The following FGF12 variants were observed in gnomAD, a reference collection of about 807,000 sequenced individuals.
The protein encoded by FGF12 is fibroblast growth factor 12B.
A neutral mutation model predicts 23.6 loss-of-function variants in FGF12; 14 were observed. That is an observed-to-expected ratio of 0.59 (90% confidence interval 0.39 to 0.93). FGF12 has a LOEUF of 0.93. FGF12 is among the 40% of genes least tolerant of loss of function. The pLI is 0.00. For synonymous variants in FGF12, 62 were observed against 77.3 expected, an observed-to-expected ratio of 0.80 and a Z score of 1.04; for missense variants, 175 against 217.8, an observed-to-expected ratio of 0.80 and a Z score of 1.24.
In FGF12 at chr3:192,709,428, G is replaced by C. The variant is rs551861789; in HGVS notation, c.13+17753C>G. Among the ~76,000 whole-genome samples, 9 of 152,238 alleles carry C rather than the reference G, an allele frequency of 5.9e-5. 1 individual carries two copies. In the South Asian group the frequency reaches 1.9e-3, roughly 32 times the overall value. ...GAGGTCTTTAAAATCAGTATGTCCA[G>C]ATCTCTGAGACTCAGAGCTACTGAT... On this transcript the variant is annotated intron_variant, in intron 2 of 5. Coordinates refer to ENST00000445105, the MANE Select transcript of FGF12 (RefSeq NM_004113.6).
intron 2 of FGF12, among the ~76,000 whole-genome samples, chr3:192,722,227 C>G (rs956625938): frequency 6.6e-6 from 1 of 152,180 alleles, no homozygotes; most frequent in Non-Finnish European, 1.5e-5. Context: ...ATTTCCTACA[C>G]TCAGTGACTA....
Position 192,408,962 on chromosome 3 carries a change from G to C in FGF12, c.14-48424C>G, listed in dbSNP as rs1721084731. On this transcript the variant is annotated intron_variant, in intron 2 of 5. Transcript: ENST00000445105. This position sits in a 1 kb window ranked among gnomAD's most constrained non-coding sequence, Gnocchi z 7.3. ...CTGGAATTCCGAGAGGCGCGAAGTG[G>C]GAGCGGTTACCCGGAGTCTGGGTAG... is the stretch of plus-strand genomic sequence containing the variant. 1.0e-6 allele frequency: 1 copy of C among 984,956 alleles called. No homozygotes were observed. The highest frequency in any genetic ancestry group is 1.2e-6 in the Non-Finnish European group (1 of 829,864). 61.0% of individuals were successfully genotyped at this position (984,956 alleles called of 1,614,324 possible).
At chr3:192,389,979 T>C (rs1451366211) in intron 2 of FGF12, among the ~76,000 whole-genome samples, 1 of 152,232 alleles carries the variant, frequency 6.6e-6, no homozygotes, top group Non-Finnish European at 1.5e-5. Flanking sequence ...AAGAAAAAGC[T>C]GTCCTGTAGG....
At chr3:192,404,711 A>G (rs1299267750) in intron 2 of FGF12, among the ~76,000 whole-genome samples, 4 of 152,124 alleles carry the variant, frequency 2.6e-5, no homozygotes, top group Non-Finnish European at 2.9e-5. Flanking sequence ...ACCTCATCCA[A>G]CTTTCCAGTT....
intron 4 of FGF12, among the ~76,000 whole-genome samples, chr3:192,279,237 T>C (rs1015507936): frequency 6.8e-6 from 1 of 146,438 alleles, no homozygotes; most frequent in East Asian, 2.0e-4. Flanking sequence ...TGAGTATATA[T>C]ATATATATAT....
At chr3:192,577,723 T>C (rs1712970421) in intron 2 of FGF12, among the ~76,000 whole-genome samples, 1 of 152,246 alleles carries the variant, frequency 6.6e-6, no homozygotes, top group African/African-American at 2.4e-5. Flanking sequence ...CACTGTACTT[T>C]ACTCTCCTGA....
chr3:192,445,729 TTA>T (rs1274349977), intron 2 of FGF12, among the ~76,000 whole-genome samples: 1 of 152,164 alleles, frequency 6.6e-6, no homozygotes, highest in African/African-American at 2.4e-5. Flanking sequence ...TCCCAAACTC[TTA>T]TGAGTTTGCT....
rs1461525196 is a variant in FGF12, at chr3:192,167,731, G to GTGTATATATA, written c.427+2726_427+2727insTATATATACA. On this transcript the variant is annotated intron_variant, in intron 5 of 5. Transcript: ENST00000445105. Reference sequence around the variant, plus strand: ...CTAAAATTAGGAGGGTAGGTTATAGGTATATATATATATATATATATATAT... The same window carrying GTGTATATATA: ...CTAAAATTAGGAGGGTAGGTTATAGGTGTATATATATATATATATATATATATATATATAT... Among the ~76,000 whole-genome samples the GTGTATATATA allele has an allele frequency of 2.6e-3, 66 of 25,044 alleles. 6 individuals carry two copies. Among genetic ancestry groups the GTGTATATATA allele is most frequent in the African/African-American group, 0.013 (63 of 4,800 alleles). 16.4% of individuals were successfully genotyped at this position (25,044 alleles called of 152,430 possible).
chr3:192,186,433 T>G (rs1320287841), intron 4 of FGF12, among the ~76,000 whole-genome samples: 1 of 152,240 alleles, frequency 6.6e-6, no homozygotes, highest in Non-Finnish European at 1.5e-5. Flanking sequence ...TGATTTATTC[T>G]TATATATGTG....
chr3:192,442,805 TA>T (rs1560112636), intron 2 of FGF12, among the ~76,000 whole-genome samples: 11 of 150,862 alleles, frequency 7.3e-5, no homozygotes, highest in East Asian at 3.9e-4. Flanking sequence ...ACATGTATTC[TA>T]TCTTTTTTTT....
intron 2 of FGF12, among the ~76,000 whole-genome samples, chr3:192,479,928 G>A (rs1489691937): frequency 6.6e-6 from 1 of 152,082 alleles, no homozygotes; most frequent in East Asian, 1.9e-4. Context: ...AACTGGGGAA[G>A]GGTTTGTGGC....
intron 3 of FGF12, among the ~76,000 whole-genome samples, chr3:192,357,601 A>G (rs1188492413): frequency 6.6e-6 from 1 of 152,092 alleles, no homozygotes; most frequent in Non-Finnish European, 1.5e-5. Context: ...ACTTTTCTAC[A>G]TATTGACGGA....
chr3:192,719,974 G>T (rs1718990723), intron 2 of FGF12, among the ~76,000 whole-genome samples: 1 of 152,204 alleles, frequency 6.6e-6, no homozygotes, highest in African/African-American at 2.4e-5. Context: ...TTTCACGTGG[G>T]TGATAATTGT....
intron 2 of FGF12, among the ~76,000 whole-genome samples, chr3:192,714,915 T>G (rs916088086): frequency 6.6e-6 from 1 of 152,162 alleles, no homozygotes; most frequent in East Asian, 1.9e-4. Context: ...GCTAGAATTT[T>G]AGAGAGTTGA....
At chr3:192,679,635 C>CAA (rs72404495) in intron 2 of FGF12, among the ~76,000 whole-genome samples, 21,304 of 146,066 alleles carry the variant, frequency 0.15, 1,720 homozygotes, top group African/African-American at 0.23. Context: ...GCCTGCCAAC[C>CAA]AAAAAAAAAA....
chr3:192,677,804 G>A (rs753798248), intron 2 of FGF12, among the ~76,000 whole-genome samples: 21 of 152,162 alleles, frequency 1.4e-4, no homozygotes, highest in Admixed American at 9.2e-4. Context: ...GGACTCCCAG[G>A]CATTAGAAGT....
chr3:192,713,435 T>C lies in FGF12; in HGVS notation c.13+13746A>G, dbSNP rs146547895. On this transcript the variant is annotated intron_variant, in intron 2 of 5. Coordinates refer to ENST00000445105, the MANE Select transcript of FGF12 (RefSeq NM_004113.6). ...TTTCACAATATACTTTGTATAACTG[T>C]GACAAAAATAGCAAGTAAAAACAGA... 1.4e-3 allele frequency among the ~76,000 whole-genome samples: 209 copies of C among 152,312 alleles called. 1 individual carries two copies. Among genetic ancestry groups the C allele is most frequent in the African/African-American group, 4.9e-3 (204 of 41,570 alleles).
At chr3:192,672,805 G>A (rs1384980247) in intron 2 of FGF12, among the ~76,000 whole-genome samples, 1 of 150,910 alleles carries the variant, frequency 6.6e-6, no homozygotes, top group African/African-American at 2.4e-5. Flanking sequence ...GGCAAGAGCT[G>A]GCCTTGATCC....
In FGF12 at chr3:192,149,822, A is replaced by G. The variant is rs1210871524; in HGVS notation, c.428-5695T>C. 4.4e-5 allele frequency among the ~76,000 whole-genome samples: 3 copies of G among 67,818 alleles called. 1 individual carries two copies. The highest frequency in any genetic ancestry group is 1.3e-4 in the African/African-American group (3 of 23,070). The allele number at this position is 67,818 out of a possible 152,430, so 44.5% of individuals were successfully genotyped here. On this transcript the variant is annotated intron_variant, in intron 5 of 5. Transcript: ENST00000445105. ...CAGCATGATTTATAGTCATTTGGGT[A>G]TATACCCAGTAATGGGATGGCTGGG...
Sources: allele counts gnomAD v4.1 joint callset (sites outside exome capture counted in the v4.1 genomes callset), GRCh38; gene constraint gnomAD v4.1.1; non-coding constraint Gnocchi (gnomAD v3.1); transcripts MANE v1.5; gene names NCBI Gene and HGNC (gene_info 2026-07-23, HGNC 2026-07-21).